The following TPRG1 variants were observed in gnomAD, a reference collection of about 807,000 sequenced individuals.
TPRG1 encodes tumor protein p63 regulated 1, also known as tumor protein p63-regulated gene 1 protein.
In TPRG1, 29 loss-of-function variants were observed where a neutral mutation model predicts 29.3. The observed-to-expected ratio is 0.99, with a 90% CI of 0.74 to 1.35. The LOEUF (loss-of-function observed/expected upper bound fraction) is 1.35. TPRG1 is among the 40% of genes most tolerant of loss of function. TPRG1 has a pLI of 0.00. For synonymous variants in TPRG1, 130 were observed against 116.8 expected (o/e 1.11, Z -0.73); for missense variants, 327 against 335.0 (o/e 0.98, Z 0.19).
chr3:189,208,897 G>A (rs1238521153), intron 2 of TPRG1, among the ~76,000 whole-genome samples: 1 of 152,164 alleles, frequency 6.6e-6, no homozygotes, highest in Non-Finnish European at 1.5e-5. Context: ...GAGCTGGCTG[G>A]GACTATGGAA....
chr3:189,020,405 C>T (rs1450923811), intron 3 of TPRG1, among the ~76,000 whole-genome samples: 10 of 152,020 alleles, frequency 6.6e-5, no homozygotes, highest in East Asian at 3.9e-4. Context: ...TGCTTGAATG[C>T]GTCCCAGAGA....
intron 1 of TPRG1, among the ~76,000 whole-genome samples, chr3:189,122,430 TATAA>T (rs1721936723): frequency 6.6e-6 from 1 of 152,244 alleles, no homozygotes; most frequent in African/African-American, 2.4e-5. Context: ...TATTTCAAAA[TATAA>T]CCAGGACAAA....
At chr3:189,291,743 G>A (rs1175979121) in intron 4 of TPRG1, among the ~76,000 whole-genome samples, 1 of 152,192 alleles carries the variant, frequency 6.6e-6, no homozygotes, top group Non-Finnish European at 1.5e-5. Flanking sequence ...ACTGCAAAGA[G>A]CTTTGACAAA....
At chr3:189,227,025 A>G (rs1352013602) in intron 3 of TPRG1, among the ~76,000 whole-genome samples, 3 of 152,080 alleles carry the variant, frequency 2.0e-5, no homozygotes, top group Non-Finnish European at 2.9e-5. Context: ...AAGAAAAAAA[A>G]TTGAATAACC....
chr3:189,224,803 C>A (rs1382536808), intron 3 of TPRG1, among the ~76,000 whole-genome samples: 1 of 152,124 alleles, frequency 6.6e-6, no homozygotes, highest in African/African-American at 2.4e-5. Flanking sequence ...CCCAGCTTTG[C>A]CAACACATTG....
At chr3:189,012,958 T>A (rs1712680567) in intron 3 of TPRG1, among the ~76,000 whole-genome samples, 1 of 152,160 alleles carries the variant, frequency 6.6e-6, no homozygotes, top group Admixed American at 6.5e-5. Flanking sequence ...TTTGTTGATT[T>A]CTTGAAGGAT....
intron 4 of TPRG1, among the ~76,000 whole-genome samples, chr3:189,301,434 TG>T (rs1220679916): frequency 6.6e-6 from 1 of 152,198 alleles, no homozygotes; most frequent in African/African-American, 2.4e-5. Context: ...AGTATGTTTT[TG>T]AGAAAAATAC....
chr3:189,261,007 C>T (rs1463289868), intron 4 of TPRG1, among the ~76,000 whole-genome samples: 1 of 152,176 alleles, frequency 6.6e-6, no homozygotes, highest in African/African-American at 2.4e-5. Flanking sequence ...CTGCTGGCTT[C>T]GCGTCTGTCA....
chr3:189,239,084 T>C lies in TPRG1; in HGVS notation c.479+175T>C, dbSNP rs1740061707. ...CCTACTCTATGTCAGCCTCCAGGGA[T>C]ACAACTTTAAGTAAATATATTAGTT... is the stretch of plus-strand genomic sequence containing the variant. On this transcript the variant is annotated intron_variant, in intron 4 of 5. Transcript: ENST00000345063. 19 of 518,858 alleles carry C rather than the reference T, an allele frequency of 3.7e-5. No individual in the cohort carries two copies. The South Asian group carries it at 6.8e-4, about 19-fold the overall frequency. The allele number at this position is 518,858 out of a possible 1,614,324, so 32.1% of individuals were successfully genotyped here. A position where few individuals can be genotyped will look rare whatever the true frequency, so the allele number is the denominator to read the frequency against.
chr3:189,279,714 A>C (rs554242986), intron 4 of TPRG1, among the ~76,000 whole-genome samples: 148 of 152,302 alleles, frequency 9.7e-4, no homozygotes, highest in Middle Eastern at 3.4e-3. Flanking sequence ...AAAGGAAAAC[A>C]CCCAGTTTGG....
intron 5 of TPRG1, among the ~76,000 whole-genome samples, chr3:189,161,460 G>A (rs1380626983): frequency 9.5e-6 from 1 of 104,794 alleles, no homozygotes; most frequent in Admixed American, 9.1e-5. Flanking sequence ...ATAAGTAGTA[G>A]GTTCTTTTTT....
intron 2 of TPRG1, among the ~76,000 whole-genome samples, chr3:189,212,476 C>T (rs963165254): frequency 9.2e-5 from 14 of 152,120 alleles, no homozygotes; most frequent in Admixed American, 3.9e-4. Flanking sequence ...GTGTGGGCTT[C>T]TTTCGGGTGT....
At chr3:189,242,857 T>G (rs1449678846) in intron 4 of TPRG1, among the ~76,000 whole-genome samples, 1 of 151,934 alleles carries the variant, frequency 6.6e-6, no homozygotes, top group Non-Finnish European at 1.5e-5. Flanking sequence ...TCCTGAGGCC[T>G]AAGAGGACTA....
chr3:189,074,310 A>G (rs532072491), intron 4 of TPRG1, among the ~76,000 whole-genome samples: 126 of 136,624 alleles, frequency 9.2e-4, no homozygotes, highest in Middle Eastern at 4.8e-3. Flanking sequence ...GTTTCGCGCC[A>G]TTTTCCTGCC....
chr3:189,315,563 G>A (rs1057306304), intron 5 of TPRG1: 3 of 451,608 alleles, frequency 6.6e-6, no homozygotes, highest in African/African-American at 2.0e-5. Flanking sequence ...AACGCATTAT[G>A]TGTGCCCTAC....
At chr3:189,170,199 T>C (rs947569735), upstream of TPRG1, among the ~76,000 whole-genome samples, 3 of 152,160 alleles carry the variant, frequency 2.0e-5, no homozygotes, top group Non-Finnish European at 2.9e-5. Context: ...TGGAGCTGAG[T>C]GGGAACGGTA....
At chr3:189,150,642 T>C (rs527326822) in intron 4 of TPRG1, 1 of 152,328 alleles carries the variant, frequency 6.6e-6, no homozygotes, top group Admixed American at 6.5e-5. Context: ...GCTTTTTAAA[T>C]GTATTTTCAA....
At chr3:189,277,730 G>A (rs1421054219) in intron 4 of TPRG1, among the ~76,000 whole-genome samples, 1 of 152,174 alleles carries the variant, frequency 6.6e-6, no homozygotes, top group East Asian at 1.9e-4. Flanking sequence ...AGGAGCATGA[G>A]AAGCATCAAT....
chr3:189,226,943 T>C (rs1284660542), intron 3 of TPRG1, among the ~76,000 whole-genome samples: 1 of 151,736 alleles, frequency 6.6e-6, no homozygotes, highest in African/African-American at 2.4e-5. Context: ...TCTACACATA[T>C]CAATTTGACA....
Sources: gnomAD v4.1 joint callset for allele counts (sites outside exome capture counted in the v4.1 genomes callset) on GRCh38, gnomAD v4.1.1 for gene constraint, MANE v1.5 for transcripts, NCBI Gene and HGNC (gene_info 2026-07-23, HGNC 2026-07-21) for gene names.